The following SORCS2 variants were observed in gnomAD, a reference collection of about 807,000 sequenced individuals.
SORCS2 encodes the protein sortilin related VPS10 domain containing receptor 2.
Under a neutral mutation model 141.6 loss-of-function variants are expected in SORCS2, and 100 were observed. The ratio of observed to expected loss-of-function variants is 0.71; its 90% CI spans 0.60 to 0.83. The LOEUF (loss-of-function observed/expected upper bound fraction) is 0.83, where lower values mean the gene tolerates loss of function less well. Ranked by LOEUF, SORCS2 falls within the 40% of genes least tolerant of loss-of-function variation. The pLI is 0.00. For synonymous variants in SORCS2, 789 were observed against 676.9 expected, an observed-to-expected ratio of 1.17 and a Z score of -2.57; for missense variants, 1,646 against 1,560.2, an observed-to-expected ratio of 1.05 and a Z score of -0.93.
chr4:7,414,926 G>A (rs1012940029), intron 2 of SORCS2, among the ~76,000 whole-genome samples: 1 of 151,760 alleles, frequency 6.6e-6, no homozygotes, highest in Non-Finnish European at 1.5e-5. Flanking sequence ...TCACAAAACG[G>A]GGTTGGGTGA....
At chr4:7,256,247 A>C (rs1469727533) in intron 1 of SORCS2, among the ~76,000 whole-genome samples, 2 of 152,150 alleles carry the variant, frequency 1.3e-5, no homozygotes, top group African/African-American at 2.4e-5. Context: ...AGGGGACAGC[A>C]CTTCTTTGCT....
chr4:7,192,653 C>T lies in SORCS2; in HGVS notation c.7C>T (p.His3Tyr). The change falls in exon 1 of 27, where the codon CAC becomes TAC. Residue 3 changes from histidine (H) to tyrosine (Y), a missense_variant. Coordinates refer to ENST00000507866, the MANE Select transcript of SORCS2 (RefSeq NM_020777.3). This position sits in a 1 kb window ranked among gnomAD's most constrained non-coding sequence, Gnocchi z 4.0. ...GCTGCCGCCCCTGGCGACCATGGCG[C>T]ACCGGGGGCCCTCGCGCGCCTCGAA... MA[H>Y]RGPSRASKGP... is the part of the protein sequence containing the mutation. 1.0e-6 allele frequency: 1 copy of T among 987,460 alleles called. No homozygotes were observed. Among genetic ancestry groups the T allele is most frequent in the East Asian group, 1.1e-4 (1 of 8,886 alleles). The allele number at this position is 987,460 out of a possible 1,614,324, so 61.2% of individuals were successfully genotyped here.
chr4:7,428,892 G>A (rs1464628527), intron 2 of SORCS2, among the ~76,000 whole-genome samples: 2 of 152,108 alleles, frequency 1.3e-5, no homozygotes, highest in African/African-American at 4.8e-5. Flanking sequence ...GTGGCGCAGG[G>A]GAGCCCAGAC....
chr4:7,709,502 A>C (rs908840141), intron 14 of SORCS2, among the ~76,000 whole-genome samples: 1 of 152,206 alleles, frequency 6.6e-6, no homozygotes, highest in Non-Finnish European at 1.5e-5. Context: ...AAGCAACAGA[A>C]CAGTTCCTCC....
At chr4:7,316,503 T>C (rs533136020) in intron 1 of SORCS2, among the ~76,000 whole-genome samples, 1 of 152,354 alleles carries the variant, frequency 6.6e-6, no homozygotes, top group Non-Finnish European at 1.5e-5. Flanking sequence ...GTACCCAGTA[T>C]GTGCTCTGCA....
At chr4:7,327,886 G>C (rs1356345775) in intron 1 of SORCS2, among the ~76,000 whole-genome samples, 5 of 150,158 alleles carry the variant, frequency 3.3e-5, no homozygotes, top group Admixed American at 6.6e-5. Flanking sequence ...GGCATTTGAT[G>C]CCTGTTCTTG....
chr4:7,574,082 T>C (rs757056591), intron 3 of SORCS2, among the ~76,000 whole-genome samples: 1 of 152,268 alleles, frequency 6.6e-6, no homozygotes, highest in African/African-American at 2.4e-5. Flanking sequence ...CTTTATTCTC[T>C]TCACAGCATT....
intron 1 of SORCS2, among the ~76,000 whole-genome samples, chr4:7,338,875 A>G (rs1720198403): frequency 6.6e-6 from 1 of 152,066 alleles, no homozygotes; most frequent in Non-Finnish European, 1.5e-5. Flanking sequence ...GGCTCTGTGG[A>G]CGGCAGTACT....
chr4:7,723,867 C>G lies in SORCS2; in HGVS notation c.2595C>G (p.Leu865=), dbSNP rs758376661. The part of the protein sequence containing the change: ...ENTAGHDEAV[L]FVQVNSPLQA... ...CGGCAGGCCACGATGAGGCGGTGCT[C>G]TTTGTCCAGGTCAACTGTAAGTTTA... Residue 865 remains leucine, a synonymous_variant, in exon 19 of 27, where the codon CTC becomes CTG. Coordinates refer to ENST00000507866, the MANE Select transcript of SORCS2 (RefSeq NM_020777.3). 6.8e-6 allele frequency: 11 copies of G among 1,607,076 alleles called. No individual in the cohort carries two copies. Among genetic ancestry groups the G allele is most frequent in the South Asian group, 2.2e-5 (2 of 91,018 alleles).
In SORCS2 at chr4:7,711,640, C is replaced by T. The variant is rs111349565; in HGVS notation, c.1869-1093C>T. Among the ~76,000 whole-genome samples the T allele has an allele frequency of 2.9e-3, 443 of 152,314 alleles. 3 individuals are homozygous for T. The highest frequency in any genetic ancestry group is 0.01 in the African/African-American group (420 of 41,556). On this transcript the variant is annotated intron_variant, in intron 14 of 26. Transcript: ENST00000507866. ...GCAGCCCTCCCAGAGAGGGAGAAAG[C>T]GAGGCACCTGAGTGCCATTCTGAGT...
At chr4:7,629,865 C>T (rs549136745) in intron 3 of SORCS2, among the ~76,000 whole-genome samples, 26 of 152,256 alleles carry the variant, frequency 1.7e-4, no homozygotes, top group African/African-American at 6.3e-4. Context: ...CCCATCTCTG[C>T]AACGCGCTGT....
chr4:7,628,884 C>A (rs1333944515), intron 3 of SORCS2, among the ~76,000 whole-genome samples: 1 of 152,064 alleles, frequency 6.6e-6, no homozygotes, highest in East Asian at 1.9e-4. Flanking sequence ...GTCTGTTTTG[C>A]CACAATAAGA....
chr4:7,624,113 G>A (rs1283252368), intron 3 of SORCS2, among the ~76,000 whole-genome samples: 2 of 152,202 alleles, frequency 1.3e-5, no homozygotes, highest in African/African-American at 4.8e-5. Flanking sequence ...TAAATGCTAT[G>A]CACAACTATT....
chr4:7,573,752 G>A (rs1269965784), intron 3 of SORCS2, among the ~76,000 whole-genome samples: 1 of 152,238 alleles, frequency 6.6e-6, no homozygotes, highest in Non-Finnish European at 1.5e-5. Context: ...CTAGGGGCCA[G>A]AGGCCAGAGC....
intron 1 of SORCS2, among the ~76,000 whole-genome samples, chr4:7,322,184 C>A (rs915665796): frequency 1.3e-5 from 2 of 152,100 alleles, no homozygotes; most frequent in African/African-American, 2.4e-5. Flanking sequence ...GCCCCACCCC[C>A]ACATGGCCAG....
At chr4:7,303,608 C>T (rs893362771) in intron 1 of SORCS2, among the ~76,000 whole-genome samples, 3 of 152,204 alleles carry the variant, frequency 2.0e-5, no homozygotes, top group African/African-American at 7.2e-5. Context: ...GGTCTTGGCA[C>T]CCTGCAAACC....
chr4:7,435,245 C>T (rs1444050798), intron 2 of SORCS2, among the ~76,000 whole-genome samples: 1 of 152,200 alleles, frequency 6.6e-6, no homozygotes, highest in Non-Finnish European at 1.5e-5. Context: ...TCACTGTCCT[C>T]TCCTGACTTG....
intron 1 of SORCS2, among the ~76,000 whole-genome samples, chr4:7,323,522 C>G (rs1011953103): frequency 6.6e-6 from 1 of 152,130 alleles, no homozygotes. Flanking sequence ...GGGGTCAGAG[C>G]ACCAGGAGGG....
chr4:7,713,294 G>T (rs1725953213), intron 15 of SORCS2, among the ~76,000 whole-genome samples: 1 of 152,128 alleles, frequency 6.6e-6, no homozygotes, highest in East Asian at 1.9e-4. Flanking sequence ...ACACTAAGAG[G>T]AGTATAAAGA....
Sources: gnomAD v4.1 joint callset for allele counts (sites outside exome capture counted in the v4.1 genomes callset) on GRCh38, gnomAD v4.1.1 for gene constraint, Gnocchi (gnomAD v3.1) non-coding constraint, MANE v1.5 for transcripts, NCBI Gene and HGNC (gene_info 2026-07-23, HGNC 2026-07-21) for gene names.